ZNF106: variants seen among roughly 807,000 people sequenced by gnomAD.
The protein encoded by ZNF106 is SH3-domain binding protein 3.
A neutral mutation model predicts 195.1 loss-of-function variants in ZNF106; 67 were observed. That is an observed-to-expected ratio of 0.34 (90% CI 0.28 to 0.42). ZNF106 has a LOEUF of 0.42. Ranked by LOEUF, ZNF106 falls within the 10% of genes least tolerant of loss-of-function variation. The probability of loss-of-function intolerance (pLI) is 1.00; values close to 1 mark genes in which losing one functional copy is unlikely to be tolerated. For synonymous variants in ZNF106, 784 were observed against 818.6 expected (o/e 0.96, Z 0.72); for missense variants, 2,118 against 2,304.5 (o/e 0.92, Z 1.66).
At chr15:42,453,148 T>G (rs1225020808) in intron 4 of ZNF106, among the ~76,000 whole-genome samples, 2 of 152,174 alleles carry the variant, frequency 1.3e-5, no homozygotes, top group African/African-American at 4.8e-5. Flanking sequence ...CTTTGTCCAG[T>G]ACCCATTCAA....
chr15:42,432,866 C>G (rs1250354475), intron 14 of ZNF106, among the ~76,000 whole-genome samples: 1 of 152,058 alleles, frequency 6.6e-6, no homozygotes, highest in Non-Finnish European at 1.5e-5. Flanking sequence ...GCCAGGGTGA[C>G]AGGCCAAGAC....
At chr15:42,467,464 G>A (rs909945981) in intron 2 of ZNF106, among the ~76,000 whole-genome samples, 1 of 152,090 alleles carries the variant, frequency 6.6e-6, no homozygotes. Context: ...TATATGCCAA[G>A]AATAGAGCTA....
In ZNF106 at chr15:42,424,133, T is replaced by C. The variant is rs576866294; in HGVS notation, c.5191-73A>G. The stretch of plus-strand genomic sequence containing the variant: ...TTTCTCTATAACTTGTAATACACAT[T>C]GGCAAATTCTAATTTCCATCCTATT... On this transcript the variant is annotated intron_variant, in intron 16 of 21. Transcript: ENST00000564754. 4.9e-5 allele frequency: 64 copies of C among 1,295,768 alleles called. No individual in the cohort carries two copies. The African/African-American group carries it at 8.3e-4, about 17-fold the overall frequency. The allele number at this position is 1,295,768 out of a possible 1,614,324, so 80.3% of individuals were successfully genotyped here.
chr15:42,442,298 G>C lies in ZNF106; in HGVS notation c.3538C>G (p.Pro1180Ala), dbSNP rs1436763334. Residue 1180 changes from proline to alanine, a missense_variant, in exon 10 of 22, where the codon CCA becomes GCA. By Grantham distance (27) the Pro-to-Ala change is conservative. Transcript: ENST00000564754. The stretch of plus-strand genomic sequence containing the variant: ...GAAGATGGAGGCTCCAGAAAAAGTG[G>C]GAAAAAGGGAGTGGGCAGCAGTGCG... Reference protein sequence around the residue: ...DAALLPTPFFPLFLEPPSSHV... With the variant: ...DAALLPTPFFALFLEPPSSHV... 1 of 1,614,180 alleles carries C rather than the reference G, an allele frequency of 6.2e-7. No individual in the cohort carries two copies. The highest frequency in any genetic ancestry group is 8.5e-7 in the Non-Finnish European group (1 of 1,180,022).
intron 20 of ZNF106, among the ~76,000 whole-genome samples, chr15:42,419,473 C>T (rs115012631): frequency 0.041 from 6,249 of 151,708 alleles, 422 homozygotes; most frequent in African/African-American, 0.14. Flanking sequence ...GCCTGGGAGG[C>T]TGAAGCTGCA....
chr15:42,422,823 T>C (rs912984437), intron 17 of ZNF106, among the ~76,000 whole-genome samples: 1 of 152,152 alleles, frequency 6.6e-6, no homozygotes, highest in Non-Finnish European at 1.5e-5. Flanking sequence ...TTATTACATA[T>C]ACAAAATATA....
At position 42,452,989 on chromosome 15, in the gene ZNF106, C is replaced by T. The variant is rs1396573505; in HGVS notation, c.318-1035G>A. On this transcript the variant is annotated intron_variant, in intron 4 of 21. Transcript: ENST00000564754. ...GGGTACAGGCTTGAGCCACTGCGCC[C>T]GGCCTAGTTATCATATTTAGTACAA... Among the ~76,000 whole-genome samples the T allele has an allele frequency of 5.3e-5, 8 of 152,192 alleles. No individual in the cohort carries two copies. In the South Asian group the frequency reaches 6.2e-4, roughly 12 times the overall value.
rs2055602905 is a variant in ZNF106 at position 42,442,745 on chromosome 15, C to T, written c.3422-331G>A. 2.6e-5 allele frequency among the ~76,000 whole-genome samples: 4 copies of T among 151,094 alleles called. No individual in the cohort carries two copies. The South Asian group carries it at 8.4e-4, about 32-fold the overall frequency. ...AATTCTCCTGCCTCAGCCTCCCAAGCAGCTGGGATTATAGGCACATGCCAC... is the reference window on the plus strand; with the variant it reads ...AATTCTCCTGCCTCAGCCTCCCAAGTAGCTGGGATTATAGGCACATGCCAC... On this transcript the variant is annotated intron_variant, in intron 9 of 21. Coordinates refer to ENST00000564754, the MANE Select transcript of ZNF106 (RefSeq NM_001366845.3).
chr15:42,417,739 G>A (rs909097137), intron 21 of ZNF106, 66 bp downstream of exon 21: 1 of 1,485,526 alleles, frequency 6.7e-7, no homozygotes. Flanking sequence ...AATAAAAAAG[G>A]TTTGCTAGCC....
In ZNF106 at chr15:42,451,754, G is replaced by A. The variant is rs1445623426; in HGVS notation, c.518C>T (p.Ser173Phe). 6.2e-7 allele frequency: 1 copy of A among 1,614,044 alleles called. No individual in the cohort carries two copies. Among genetic ancestry groups the A allele is most frequent in the Non-Finnish European group, 8.5e-7 (1 of 1,180,028 alleles). The change falls in exon 5 of 22, where the codon TCT (serine) becomes TTT (phenylalanine). Residue 173 changes from serine (S) to phenylalanine (F), a missense_variant. By Grantham distance (155) the Ser-to-Phe change is radical. Transcript: ENST00000564754. ...NNTRKNSFPH[S>F]LRNGGGPRGR... ...TCTTGGTCCACCACCATTCCTCAAA[G>A]AATGTGGAAAGCTGTTTTTCCTAGT...
At chr15:42,422,975 T>C (rs2054724020) in intron 17 of ZNF106, among the ~76,000 whole-genome samples, 1 of 152,112 alleles carries the variant, frequency 6.6e-6, no homozygotes, top group Admixed American at 6.5e-5. Context: ...AGGTGGGAAT[T>C]ATTCTGAGGT....
chr15:42,438,603 A>G lies in ZNF106; in HGVS notation c.4600+9T>C, dbSNP rs2055375022. 6.2e-7 allele frequency: 1 copy of G among 1,611,872 alleles called. No homozygotes were observed. The highest frequency in any genetic ancestry group is 1.7e-5 in the Admixed American group (1 of 59,910). On this transcript the variant is annotated intron_variant, in intron 12 of 21. Coordinates refer to ENST00000564754, the MANE Select transcript of ZNF106 (RefSeq NM_001366845.3). ...GTGGTTAACTTAAATAAAACTGAAC[A>G]GCAAATACCTGAAGAATTCTTTGAT...
At chr15:42,429,333 G>C (rs564968939) in intron 14 of ZNF106, among the ~76,000 whole-genome samples, 1 of 151,526 alleles carries the variant, frequency 6.6e-6, no homozygotes, top group Non-Finnish European at 1.5e-5. Context: ...CAGCTACTTG[G>C]GAGGCTGAGG....
At chr15:42,442,719 C>CTTT (rs913708526) in intron 9 of ZNF106, among the ~76,000 whole-genome samples, 2 of 151,002 alleles carry the variant, frequency 1.3e-5, no homozygotes, top group Non-Finnish European at 2.9e-5. Context: ...TGGACTCAAG[C>CTTT]AATTCTCCTG....
At position 42,415,739 on chromosome 15, in the gene ZNF106, GTT is replaced by G. The variant is rs577185237; in HGVS notation, c.*1563_*1564del. 133 of 149,910 alleles carry G rather than the reference GTT, an allele frequency of 8.9e-4. No individual in the cohort carries two copies. The Middle Eastern group carries it at 9.8e-3, about 11-fold the overall frequency. 9.3% of individuals were successfully genotyped at this position (149,910 alleles called of 1,614,324 possible). On this transcript the variant is annotated 3_prime_UTR_variant, in exon 22 of 22. Transcript: ENST00000564754. ...AATTTTATCTCTCTGAAGAAGCTGAGTTTTTTTTTTTTTTTTTGAGACGGAGT... is the reference window on the plus strand; with the variant it reads ...AATTTTATCTCTCTGAAGAAGCTGAGTTTTTTTTTTTTTTTGAGACGGAGT...
chr15:42,439,855 T>C (rs769850011), intron 10 of ZNF106, 42 bp from the exon 11 acceptor site: 8 of 1,484,626 alleles, frequency 5.4e-6, no homozygotes, highest in Middle Eastern at 3.6e-4. Context: ...TTTTTTGTGT[T>C]TGCTGCAATT....
At chr15:42,466,858 G>A (rs2056529829) in intron 2 of ZNF106, among the ~76,000 whole-genome samples, 1 of 152,130 alleles carries the variant, frequency 6.6e-6, no homozygotes, top group Non-Finnish European at 1.5e-5. Context: ...CACACGGCTG[G>A]GCGTGGTGGG....
At position 42,451,881 on chromosome 15, in the gene ZNF106, G is replaced by A; in HGVS notation, c.391C>T (p.Arg131Ter). Residue 131 changes from arginine to a stop codon, truncating the protein, a stop_gained, in exon 5 of 22, where the codon CGA becomes TGA. Transcript: ENST00000564754. LOFTEE classifies it high-confidence loss of function. ...DRRPQWRREDRIPYQDRESYS... is the reference protein window; with the variant it reads ...DRRPQWRRED ...CTCTCTCTGTCTTGGTAAGGAATTC[G>A]GTCTTCTCGTCTCCATTGGGGTCGT... is the stretch of plus-strand genomic sequence containing the variant. 3 of 1,614,050 alleles carry A rather than the reference G, an allele frequency of 1.9e-6. No homozygotes were observed. Among genetic ancestry groups the A allele is most frequent in the African/African-American group, 1.3e-5 (1 of 74,992 alleles).
At chr15:42,474,783 G>A (rs532923903) in intron 1 of ZNF106, among the ~76,000 whole-genome samples, 1 of 152,034 alleles carries the variant, frequency 6.6e-6, no homozygotes, top group East Asian at 1.9e-4. Flanking sequence ...AATACCAGGG[G>A]TTTAGATTAA....
Sources: allele counts gnomAD v4.1 joint callset (sites outside exome capture counted in the v4.1 genomes callset), GRCh38; gene constraint gnomAD v4.1.1; transcripts MANE v1.5; gene names NCBI Gene and HGNC (gene_info 2026-07-23, HGNC 2026-07-21).